HHAT: variants seen among roughly 807,000 people sequenced by gnomAD.
HHAT encodes the protein protein-cysteine N-palmitoyltransferase HHAT.
In HHAT, 47 loss-of-function variants were observed where a neutral mutation model predicts 70.8. That is an observed-to-expected ratio of 0.66 (90% CI 0.53 to 0.85). HHAT has a LOEUF of 0.85. Ranked by LOEUF, HHAT falls within the 40% of genes least tolerant of loss-of-function variation. HHAT has a pLI of 0.00. For missense variants in HHAT, 609 were observed against 604.8 expected (o/e 1.01, Z -0.07); for synonymous variants, 228 against 247.6 (o/e 0.92, Z 0.74).
chr1:210,480,121 A>C (rs1039925199), intron 8 of HHAT, among the ~76,000 whole-genome samples: 46 of 152,318 alleles, frequency 3.0e-4, no homozygotes, highest in African/African-American at 1.1e-3. Flanking sequence ...TCTTTTGACT[A>C]AACTGACACA....
chr1:210,348,762 T>TGTGTGTGTGTGTGTG (rs1553317702), intron 1 of HHAT, among the ~76,000 whole-genome samples, 171 bp from the exon 2 acceptor site: 8 of 150,626 alleles, frequency 5.3e-5, no homozygotes, highest in African/African-American at 1.7e-4. Context: ...TGTGTGTGTG[T>TGTGTGTGTGTGTGTG]TGGATGCAGG....
intron 7 of HHAT, among the ~76,000 whole-genome samples, chr1:210,435,871 T>C (rs2093363488): frequency 6.6e-6 from 1 of 151,902 alleles, no homozygotes; most frequent in South Asian, 2.1e-4. Flanking sequence ...TATTAATCTT[T>C]TGTTAGATAG....
intron 9 of HHAT, among the ~76,000 whole-genome samples, chr1:210,568,183 C>T (rs1444610821): frequency 3.9e-5 from 6 of 152,180 alleles, no homozygotes; most frequent in Admixed American, 6.5e-5. Context: ...CATAGAAGTC[C>T]GAAAGGACAG....
chr1:210,559,800 A>G lies in HHAT; in HGVS notation c.1044-28098A>G, dbSNP rs2095605190. Among the ~76,000 whole-genome samples the G allele has an allele frequency of 2.0e-5, 3 of 152,174 alleles. No individual in the cohort carries two copies. The South Asian group carries it at 6.2e-4, about 32-fold the overall frequency. On this transcript the variant is annotated intron_variant, in intron 9 of 11. Coordinates refer to ENST00000261458, the MANE Select transcript of HHAT (RefSeq NM_018194.6). ...TTTTGACCATCCAGTCATTGATGTC[A>G]CCCAGGAAAGTGTAGGTATTTTTTT... is the stretch of plus-strand genomic sequence containing the variant.
intron 6 of HHAT, among the ~76,000 whole-genome samples, chr1:210,405,956 G>A (rs1343181117): frequency 1.3e-5 from 2 of 152,192 alleles, no homozygotes; most frequent in Non-Finnish European, 2.9e-5. Context: ...TTTGCAAAGT[G>A]TGGTTCCTGG....
intron 9 of HHAT, among the ~76,000 whole-genome samples, chr1:210,547,829 T>C (rs963064285): frequency 6.6e-6 from 1 of 152,200 alleles, no homozygotes; most frequent in African/African-American, 2.4e-5. Flanking sequence ...CTGCCTGTAC[T>C]GAATCTGGAG....
chr1:210,579,468 C>T (rs1658695339), intron 9 of HHAT, among the ~76,000 whole-genome samples: 1 of 152,100 alleles, frequency 6.6e-6, no homozygotes, highest in South Asian at 2.1e-4. Context: ...GTATTATATA[C>T]TTAAACAATT....
intron 4 of HHAT, among the ~76,000 whole-genome samples, chr1:210,391,528 G>A (rs2091458485): frequency 6.6e-6 from 1 of 151,944 alleles, no homozygotes; most frequent in East Asian, 1.9e-4. Flanking sequence ...ACAAAGGATT[G>A]GCATATGGAA....
intron 8 of HHAT, among the ~76,000 whole-genome samples, chr1:210,510,370 A>G (rs2094932955): frequency 6.6e-6 from 1 of 152,192 alleles, no homozygotes; most frequent in African/African-American, 2.4e-5. Flanking sequence ...TATTTTTTAA[A>G]AACTGATAGC....
intron 2 of HHAT, among the ~76,000 whole-genome samples, chr1:210,355,966 G>T (rs2087565801): frequency 6.6e-6 from 1 of 152,034 alleles, no homozygotes; most frequent in Admixed American, 6.6e-5. Context: ...GCTCAGGCTG[G>T]AGTGTAGTGG....
rs188057494 is a variant in HHAT at position 210,478,272 on chromosome 1, A to G, written c.1007+13617A>G. On this transcript the variant is annotated intron_variant, in intron 8 of 11. Coordinates refer to ENST00000261458, the MANE Select transcript of HHAT (RefSeq NM_018194.6). ...ATTAGATAGCAGATTTAATTTTCCG[A>G]AAGTTTTTAGCGAGATCATTTGCCA... 1.5e-4 allele frequency among the ~76,000 whole-genome samples: 23 copies of G among 152,294 alleles called. No individual in the cohort carries two copies. In the East Asian group the frequency reaches 1.9e-3, roughly 13 times the overall value.
At chr1:210,435,389 A>T (rs886463616) in intron 7 of HHAT, among the ~76,000 whole-genome samples, 1 of 151,754 alleles carries the variant, frequency 6.6e-6, no homozygotes, top group Non-Finnish European at 1.5e-5. Context: ...ATTTAGGTTG[A>T]TTGCATATTT....
At chr1:210,369,340 T>C (rs2089330014) in intron 3 of HHAT, among the ~76,000 whole-genome samples, 1 of 152,208 alleles carries the variant, frequency 6.6e-6, no homozygotes, top group Non-Finnish European at 1.5e-5. Context: ...GGACTTTCCA[T>C]TGCCTGTGAG....
At chr1:210,597,641 G>T (rs966532303) in intron 10 of HHAT, among the ~76,000 whole-genome samples, 3 of 152,056 alleles carry the variant, frequency 2.0e-5, no homozygotes, top group Non-Finnish European at 4.4e-5. Flanking sequence ...GTACTGCTTG[G>T]CTATTGCCAG....
chr1:210,329,645 T>C (rs2084811706), intron 1 of HHAT, among the ~76,000 whole-genome samples: 1 of 152,228 alleles, frequency 6.6e-6, no homozygotes, highest in African/African-American at 2.4e-5. Context: ...TGCTGCTACC[T>C]GTGTACATTG....
At chr1:210,541,704 G>A (rs1368148740) in intron 9 of HHAT, among the ~76,000 whole-genome samples, 1 of 152,222 alleles carries the variant, frequency 6.6e-6, no homozygotes, top group East Asian at 1.9e-4. Context: ...TACAGCCTGG[G>A]TGACAGAGTG....
At chr1:210,604,719 A>G (rs370850507) in intron 10 of HHAT, among the ~76,000 whole-genome samples, 8 of 152,114 alleles carry the variant, frequency 5.3e-5, no homozygotes, top group Admixed American at 1.3e-4. Flanking sequence ...TGCTTGATTT[A>G]TGTTAAAAAT....
chr1:210,517,945 G>A (rs2095087007), intron 9 of HHAT, among the ~76,000 whole-genome samples: 1 of 152,090 alleles, frequency 6.6e-6, no homozygotes, highest in African/African-American at 2.4e-5. Context: ...TCATGAGCAG[G>A]ATAACATCAT....
intron 9 of HHAT, among the ~76,000 whole-genome samples, chr1:210,560,019 G>A (rs17016440): frequency 3.3e-5 from 5 of 152,016 alleles, no homozygotes; most frequent in South Asian, 2.1e-4. Context: ...CCCTGGGATC[G>A]TGTGTCTTTC....
Sources: allele counts gnomAD v4.1 joint callset (sites outside exome capture counted in the v4.1 genomes callset), GRCh38; gene constraint gnomAD v4.1.1; transcripts MANE v1.5; gene names NCBI Gene and HGNC (gene_info 2026-07-23, HGNC 2026-07-21).